The following SH3RF2 variants were observed in gnomAD, a reference collection of about 807,000 sequenced individuals.
SH3RF2 encodes the protein E3 ubiquitin-protein ligase SH3RF2.
SH3RF2 carries 43 observed loss-of-function variants against 59.0 expected under a neutral mutation model. That is an observed-to-expected ratio of 0.73 (90% CI 0.57 to 0.94). The LOEUF (loss-of-function observed/expected upper bound fraction) is 0.94, where lower values mean the gene tolerates loss of function less well. Ranked by LOEUF, SH3RF2 falls within the 40% of genes least tolerant of loss-of-function variation. The probability of loss-of-function intolerance (pLI) is 0.00; values close to 1 mark genes in which losing one functional copy is unlikely to be tolerated. For synonymous variants in SH3RF2, 391 were observed against 391.5 expected, an observed-to-expected ratio of 1.00 and a Z score of 0.01; for missense variants, 930 against 940.1, an observed-to-expected ratio of 0.99 and a Z score of 0.14.
intron 2 of SH3RF2, among the ~76,000 whole-genome samples, chr5:145,967,149 C>T (rs182656646): frequency 7.2e-4 from 109 of 152,294 alleles, no homozygotes; most frequent in Middle Eastern, 3.4e-3. Context: ...GATATTAGAA[C>T]AGAAATCCTA....
At chr5:146,070,783 G>A (rs969275395) in intron 9 of SH3RF2, among the ~76,000 whole-genome samples, 1 of 152,204 alleles carries the variant, frequency 6.6e-6, no homozygotes, top group African/African-American at 2.4e-5. Flanking sequence ...TTGGGGGGTA[G>A]ATACACACCC....
rs527746852 is a variant in SH3RF2 at position 146,059,536 on chromosome 5, G to A, written c.1556-330G>A. Among the ~76,000 whole-genome samples, 9 of 150,710 alleles carry A rather than the reference G, an allele frequency of 6.0e-5. No individual in the cohort carries two copies. In the East Asian group the frequency reaches 9.7e-4, roughly 16 times the overall value. The stretch of plus-strand genomic sequence containing the variant: ...GCCTCTGTGTCTGCTTCACGCGCGC[G>A]TGTGTGTGTGTACGTGTGTGTGTGC... On this transcript the variant is annotated intron_variant, in intron 8 of 9. Coordinates refer to ENST00000359120, the MANE Select transcript of SH3RF2 (RefSeq NM_152550.4).
chr5:146,033,823 C>T (rs1007538755), intron 5 of SH3RF2, among the ~76,000 whole-genome samples: 8 of 152,044 alleles, frequency 5.3e-5, no homozygotes, highest in Admixed American at 3.9e-4. Flanking sequence ...TGGAAAAAGA[C>T]GCTGAGTTAG....
At chr5:146,041,870 G>A (rs1030742243) in intron 5 of SH3RF2, among the ~76,000 whole-genome samples, 1 of 152,162 alleles carries the variant, frequency 6.6e-6, no homozygotes, top group Non-Finnish European at 1.5e-5. Flanking sequence ...GGTTGAGGCT[G>A]CAGTGAGCCA....
At chr5:146,079,401 T>C (rs1411980999) in exon 10 of SH3RF2, 1 of 152,222 alleles carries the variant, frequency 6.6e-6, no homozygotes, top group Non-Finnish European at 1.5e-5. Context: ...ATTTGAACCA[T>C]ATATTTTCAT....
chr5:146,035,791 C>T (rs1237649253), intron 5 of SH3RF2, among the ~76,000 whole-genome samples: 2 of 152,212 alleles, frequency 1.3e-5, no homozygotes, highest in Admixed American at 1.3e-4. Flanking sequence ...TGTCCAGAGA[C>T]TGCCCATCTT....
At chr5:146,044,508 T>C (rs530228114) in intron 5 of SH3RF2, among the ~76,000 whole-genome samples, 2 of 152,360 alleles carry the variant, frequency 1.3e-5, no homozygotes, top group African/African-American at 4.8e-5. Flanking sequence ...ATTATTGATG[T>C]TGAGCATATT....
intron 2 of SH3RF2, among the ~76,000 whole-genome samples, chr5:145,964,679 A>G (rs1208882853): frequency 6.6e-6 from 1 of 152,030 alleles, no homozygotes; most frequent in Non-Finnish European, 1.5e-5. Flanking sequence ...ATTAAGTTAC[A>G]TTTACAGCAA....
intron 2 of SH3RF2, among the ~76,000 whole-genome samples, chr5:145,963,803 T>C (rs968973310): frequency 6.6e-5 from 10 of 150,684 alleles, no homozygotes; most frequent in Non-Finnish European, 1.0e-4. Context: ...CTTAATAGTT[T>C]TTCTTTCTTT....
chr5:146,066,206 C>G (rs1435104513), downstream of SH3RF2, among the ~76,000 whole-genome samples: 4 of 152,226 alleles, frequency 2.6e-5, no homozygotes, highest in Non-Finnish European at 5.9e-5. Context: ...CTTCAGGATG[C>G]TGACTCTGGA....
At chr5:145,992,951 G>A (rs1170204407) in intron 2 of SH3RF2, among the ~76,000 whole-genome samples, 1 of 152,074 alleles carries the variant, frequency 6.6e-6, no homozygotes, top group Non-Finnish European at 1.5e-5. Flanking sequence ...ATAGTCCAAA[G>A]TCTCATCCAA....
Position 146,008,801 on chromosome 5 carries a change from C to A in SH3RF2, c.744+4648C>A, listed in dbSNP as rs573176352. The stretch of plus-strand genomic sequence containing the variant: ...TTTATAGTCAATTTCTTCCCCAACT[C>A]ATAAGTGCTGGCAACCACCAATCTG... On this transcript the variant is annotated intron_variant, in intron 4 of 9. Transcript: ENST00000359120. Among the ~76,000 whole-genome samples the A allele has an allele frequency of 9.8e-5, 15 of 152,326 alleles. 3 individuals are homozygous for A. The highest frequency in any genetic ancestry group is 3.6e-4 in the African/African-American group (15 of 41,562).
chr5:146,027,264 A>G (rs1761561125), intron 5 of SH3RF2, among the ~76,000 whole-genome samples: 1 of 152,250 alleles, frequency 6.6e-6, no homozygotes, highest in Non-Finnish European at 1.5e-5. Flanking sequence ...AGGAAAAAAA[A>G]GACTTTGGAT....
At chr5:146,070,272 G>T (rs759908560) in intron 9 of SH3RF2, among the ~76,000 whole-genome samples, 1 of 152,156 alleles carries the variant, frequency 6.6e-6, no homozygotes, top group African/African-American at 2.4e-5. Context: ...GGAGAGCATG[G>T]ACAAATGAGA....
In SH3RF2 at chr5:146,000,163, T is replaced by G. The variant is rs200412759; in HGVS notation, c.484T>G (p.Trp162Gly). 4.3e-6 allele frequency: 7 copies of G among 1,613,852 alleles called. No individual in the cohort carries two copies. The Admixed American group carries it at 1.2e-4, about 27-fold the overall frequency. Residue 162 changes from tryptophan (W) to glycine (G), a missense_variant, in exon 3 of 10, where the codon TGG becomes GGG. By Grantham distance (184) the Trp-to-Gly change is radical (BLOSUM62 -2). Transcript: ENST00000359120. ...ILLRRQLDEN[W>G]YQGEINGISG... ...TCTCCGGAGACAGCTTGATGAGAATTGGTACCAGGGGGAAATCAATGGCAT... is the reference window on the plus strand; with the variant it reads ...TCTCCGGAGACAGCTTGATGAGAATGGGTACCAGGGGGAAATCAATGGCAT...
intron 2 of SH3RF2, among the ~76,000 whole-genome samples, chr5:145,979,213 A>T (rs1197501573): frequency 6.6e-6 from 1 of 152,168 alleles, no homozygotes; most frequent in East Asian, 1.9e-4. Flanking sequence ...AGAAACACAA[A>T]TTCTTGGGCC....
chr5:145,987,201 A>AT (rs35506943), intron 2 of SH3RF2, among the ~76,000 whole-genome samples: 1 of 152,080 alleles, frequency 6.6e-6, no homozygotes, highest in African/African-American at 2.4e-5. Flanking sequence ...TCTGTTTTAC[A>AT]TTTTTTTCCA....
chr5:145,997,964 C>G (rs1760236930), intron 2 of SH3RF2: 1 of 777,438 alleles, frequency 1.3e-6, no homozygotes, highest in Admixed American at 1.7e-5. Flanking sequence ...TCATGGATCA[C>G]AGGTGGTCCC....
intron 5 of SH3RF2, among the ~76,000 whole-genome samples, chr5:146,021,113 A>C (rs889420561): frequency 3.3e-5 from 5 of 152,120 alleles, no homozygotes; most frequent in African/African-American, 7.2e-5. Flanking sequence ...TATGGTTCTC[A>C]GGGCTGCCAT....
Sources: allele counts gnomAD v4.1 joint callset (sites outside exome capture counted in the v4.1 genomes callset), GRCh38; gene constraint gnomAD v4.1.1; transcripts MANE v1.5; gene names NCBI Gene and HGNC (gene_info 2026-07-23, HGNC 2026-07-21).